SLC2A9: variants seen among roughly 807,000 people sequenced by gnomAD.
SLC2A9 encodes solute carrier family 2 member 9.
A neutral mutation model predicts 50.6 loss-of-function variants in SLC2A9; 39 were observed. The ratio of observed to expected loss-of-function variants is 0.77; its 90% CI spans 0.60 to 1.01. The LOEUF (loss-of-function observed/expected upper bound fraction) is 1.01. Among genes scored for constraint, SLC2A9 ranks in the 50% least tolerant of loss-of-function variants. SLC2A9 has a pLI of 0.00. For missense variants in SLC2A9, 686 were observed against 677.6 expected (o/e 1.01, Z -0.14); for synonymous variants, 324 against 276.9 (o/e 1.17, Z -1.69).
In SLC2A9 at chr4:9,988,272, G is replaced by C. The variant is rs79070322; in HGVS notation, c.411-2479C>G. ...TGCTGATGGACTGGACAGAGGTGGA[G>C]AGGCATAGAGGAGCCAAGGATGCCT... is the stretch of plus-strand genomic sequence containing the variant. On this transcript the variant is annotated intron_variant, in intron 3 of 11. Coordinates refer to ENST00000264784, the MANE Select transcript of SLC2A9 (RefSeq NM_020041.3). Among the ~76,000 whole-genome samples, 1,366 of 152,354 alleles carry C rather than the reference G, an allele frequency of 9.0e-3. 16 individuals are homozygous for C. The highest frequency in any genetic ancestry group is 0.032 in the African/African-American group (1,311 of 41,582).
At position 9,884,563 on chromosome 4, in the gene SLC2A9, T is replaced by C. The variant is rs148138366; in HGVS notation, c.1291+3004A>G. Among the ~76,000 whole-genome samples, 30 of 152,200 alleles carry C rather than the reference T, an allele frequency of 2.0e-4. 1 individual carries two copies. The East Asian group carries it at 5.6e-3, about 28-fold the overall frequency. On this transcript the variant is annotated intron_variant, in intron 10 of 11. Coordinates refer to ENST00000264784, the MANE Select transcript of SLC2A9 (RefSeq NM_020041.3). ...AGTGTATTTGTTGGATGGAGGAAAG[T>C]GTGGGAGAATGTATGTGATAATAGA...
chr4:9,907,548 C>T (rs1488499267), intron 8 of SLC2A9, among the ~76,000 whole-genome samples: 1 of 152,196 alleles, frequency 6.6e-6, no homozygotes, highest in Non-Finnish European at 1.5e-5. Flanking sequence ...TTCTCCTTTG[C>T]CTTGCAAACT....
chr4:10,018,709 G>A (rs1292096193), intron 2 of SLC2A9, among the ~76,000 whole-genome samples: 2 of 139,474 alleles, frequency 1.4e-5, no homozygotes, highest in East Asian at 2.0e-4. Context: ...CGGGACTTCC[G>A]AAGCCCCCTC....
rs1296767794 is a variant in SLC2A9, at chr4:9,782,153, G to A, written n.386-2088C>T. ...ACCGCCACTGGGGCCCTCACAGGTG[G>A]TCACCGCCTGCCTGCTGACCCTACT... On this transcript the variant is annotated intron_variant and non_coding_transcript_variant, in intron 3 of 3. Transcript: ENST00000503803. 1.9e-6 allele frequency: 3 copies of A among 1,580,310 alleles called. No homozygotes were observed. Among genetic ancestry groups the A allele is most frequent in the East Asian group, 2.3e-5 (1 of 44,226 alleles).
intron 1 of SLC2A9, among the ~76,000 whole-genome samples, chr4:10,031,209 A>G (rs1447650345): frequency 4.6e-5 from 7 of 152,170 alleles, no homozygotes. Flanking sequence ...CCTCCCTTTG[A>G]TTTCTTCCAA....
At chr4:10,010,514 G>A (rs115410580) in intron 2 of SLC2A9, among the ~76,000 whole-genome samples, 19 of 152,256 alleles carry the variant, frequency 1.2e-4, no homozygotes, top group South Asian at 2.1e-4. Context: ...TCTTGTGAAC[G>A]GCTGTGCTCT....
At chr4:9,844,181 G>T (rs1468653247) in intron 10 of SLC2A9, among the ~76,000 whole-genome samples, 10 of 77,488 alleles carry the variant, frequency 1.3e-4, no homozygotes, top group Non-Finnish European at 2.4e-4. Flanking sequence ...AAAAAAAAAA[G>T]TCCTTCTGAC....
chr4:9,814,918 G>A (rs1055641217), intron 3 of SLC2A9, among the ~76,000 whole-genome samples: 3 of 151,772 alleles, frequency 2.0e-5, no homozygotes, highest in Non-Finnish European at 4.4e-5. Flanking sequence ...AAAGTGCCAC[G>A]GTGAAAAGGA....
At chr4:9,821,873 T>C (rs1001981006), downstream of SLC2A9, among the ~76,000 whole-genome samples, 2 of 152,220 alleles carry the variant, frequency 1.3e-5, no homozygotes, top group Non-Finnish European at 2.9e-5. Context: ...GAATTTCCTT[T>C]GTTGGAAAGT....
At chr4:9,954,068 C>T (rs1035964199) in intron 5 of SLC2A9, among the ~76,000 whole-genome samples, 6 of 152,248 alleles carry the variant, frequency 3.9e-5, no homozygotes, top group African/African-American at 1.4e-4. Flanking sequence ...CTCAGCCTCC[C>T]AAAGTGCTGG....
intron 3 of SLC2A9, 67 bp from the exon 4 acceptor site, chr4:9,985,860 C>A: frequency 1.2e-6 from 2 of 1,608,480 alleles, no homozygotes; most frequent in Non-Finnish European, 1.7e-6. Flanking sequence ...CTGTCCATCC[C>A]AGGAGCAGGA....
intron 2 of SLC2A9, among the ~76,000 whole-genome samples, chr4:10,018,166 C>G (rs1762919765): frequency 6.6e-6 from 1 of 152,306 alleles, no homozygotes; most frequent in East Asian, 1.9e-4. Context: ...AGAATTGCAC[C>G]TGGATCTGAT....
intron 3 of SLC2A9, among the ~76,000 whole-genome samples, chr4:9,815,737 G>A (rs761836704): frequency 3.3e-5 from 5 of 152,232 alleles, no homozygotes; most frequent in Admixed American, 6.5e-5. Context: ...TCTGAAGGAA[G>A]AGAATCCTTC....
intron 10 of SLC2A9, among the ~76,000 whole-genome samples, chr4:9,874,912 ATG>A (rs1734047074): frequency 6.8e-6 from 1 of 147,904 alleles, no homozygotes; most frequent in African/African-American, 2.5e-5. Flanking sequence ...CTAAGATGGG[ATG>A]CTGTGTCTTT....
rs1350655671 is a variant in SLC2A9, at chr4:9,974,510, T to A, written c.681+6082A>T. Reference sequence around the variant, plus strand: ...CAAAGCAAGAATGCAATCCCATTTATAATAGCTGCCAAAAAAAAAAACTAG... The same window carrying A: ...CAAAGCAAGAATGCAATCCCATTTAAAATAGCTGCCAAAAAAAAAAACTAG... On this transcript the variant is annotated intron_variant, in intron 5 of 11. Coordinates refer to ENST00000264784, the MANE Select transcript of SLC2A9 (RefSeq NM_020041.3). 5.0e-5 allele frequency among the ~76,000 whole-genome samples: 5 copies of A among 100,532 alleles called. No individual in the cohort carries two copies. In the East Asian group the frequency reaches 2.3e-3, roughly 47 times the overall value. 66.0% of individuals were successfully genotyped at this position (100,532 alleles called of 152,430 possible). A position where few individuals can be genotyped will look rare whatever the true frequency, so the allele number is the denominator to read the frequency against.
chr4:9,943,460 A>G (rs552859847), intron 5 of SLC2A9, among the ~76,000 whole-genome samples: 6 of 152,014 alleles, frequency 3.9e-5, no homozygotes, highest in Non-Finnish European at 8.8e-5. Flanking sequence ...GAAGGCTGGG[A>G]GGGGTAGGCT....
chr4:9,931,948 CTCTCTCTCTCTCTCTATATATA>C lies in SLC2A9; in HGVS notation c.814+9943_814+9964del, dbSNP rs1200483524. On this transcript the variant is annotated intron_variant, in intron 6 of 11. Coordinates refer to ENST00000264784, the MANE Select transcript of SLC2A9 (RefSeq NM_020041.3). ...TCTCTCTCTCTCTCTCTCTCTCTCT[CTCTCTCTCTCTCTCTATATATA>C]TATATATATATATATATATATATAT... 3.6e-4 allele frequency among the ~76,000 whole-genome samples: 22 copies of C among 60,706 alleles called. No homozygotes were observed. In the East Asian group the frequency reaches 6.8e-3, roughly 19 times the overall value. The allele number at this position is 60,706 out of a possible 152,430, so 39.8% of individuals were successfully genotyped here. A position where few individuals can be genotyped will look rare whatever the true frequency, so the allele number is the denominator to read the frequency against.
intron 3 of SLC2A9, among the ~76,000 whole-genome samples, chr4:9,804,639 G>GCCAAATGCTGCATTTT: frequency 6.6e-6 from 1 of 152,220 alleles, no homozygotes; most frequent in East Asian, 1.9e-4. Flanking sequence ...CCTGTCTTTG[G>GCCAAATGCTGCATTTT]CCAAATGCTG....
At chr4:10,036,523 T>G (rs1764109517) in intron 1 of SLC2A9, among the ~76,000 whole-genome samples, 1 of 152,264 alleles carries the variant, frequency 6.6e-6, no homozygotes, top group Admixed American at 6.5e-5. Context: ...GGTTTCAATA[T>G]TCTCTTTACC....
Sources: allele counts gnomAD v4.1 joint callset (sites outside exome capture counted in the v4.1 genomes callset), GRCh38; gene constraint gnomAD v4.1.1; transcripts MANE v1.5; gene names NCBI Gene and HGNC (gene_info 2026-07-23, HGNC 2026-07-21).